PPP4R4: variants seen among roughly 807,000 people sequenced by gnomAD.
The protein encoded by PPP4R4 is protein phosphatase 4 regulatory subunit 4.
In PPP4R4, 70 loss-of-function variants were observed where a neutral mutation model predicts 121.8. The observed-to-expected ratio is 0.57, with a 90% CI of 0.47 to 0.70. PPP4R4 has a LOEUF of 0.70. PPP4R4 is among the 30% of genes least tolerant of loss of function. PPP4R4 has a pLI of 0.00. For synonymous variants in PPP4R4, 348 were observed against 355.7 expected (o/e 0.98, Z 0.24); for missense variants, 875 against 1,033.6 (o/e 0.85, Z 2.10).
At chr14:94,193,827 G>T (rs1398093521) in intron 2 of PPP4R4, among the ~76,000 whole-genome samples, 1 of 152,190 alleles carries the variant, frequency 6.6e-6, no homozygotes, top group Non-Finnish European at 1.5e-5. Flanking sequence ...GGAATGGGTT[G>T]CTGATATGAA....
intron 7 of PPP4R4, 114 bp downstream of exon 7, chr14:94,234,783 G>A (rs1401314479): frequency 1.3e-6 from 1 of 760,630 alleles, no homozygotes; most frequent in African/African-American, 1.8e-5. Context: ...TGGATTAAAA[G>A]AGATAAAGAG....
intron 2 of PPP4R4, among the ~76,000 whole-genome samples, chr14:94,197,095 G>C (rs1400394603): frequency 6.6e-6 from 1 of 152,016 alleles, no homozygotes; most frequent in African/African-American, 2.4e-5. Context: ...ACTTTGTGAG[G>C]TTTCTCGGTT....
chr14:94,249,448 C>G (rs1440530211), intron 14 of PPP4R4, among the ~76,000 whole-genome samples: 2 of 151,936 alleles, frequency 1.3e-5, no homozygotes, highest in Admixed American at 1.3e-4. Context: ...TATTTGGGAT[C>G]TTTAGTAATT....
chr14:94,175,039 C>T (rs1259720222), intron 1 of PPP4R4, among the ~76,000 whole-genome samples: 1 of 144,300 alleles, frequency 6.9e-6, no homozygotes, highest in African/African-American at 2.5e-5. Context: ...CTCTCCTGGG[C>T]TCCCCAACCT....
chr14:94,184,797 A>G (rs1184431497), intron 2 of PPP4R4, among the ~76,000 whole-genome samples: 1 of 152,220 alleles, frequency 6.6e-6, no homozygotes, highest in Non-Finnish European at 1.5e-5. Flanking sequence ...GTTAGTAATA[A>G]TTACAAAATC....
chr14:94,231,474 A>G (rs1892032268), intron 5 of PPP4R4, among the ~76,000 whole-genome samples, 159 bp downstream of exon 5: 1 of 152,218 alleles, frequency 6.6e-6, no homozygotes, highest in Admixed American at 6.5e-5. Flanking sequence ...TAAAATATAG[A>G]AGGAAGAAAA....
At chr14:94,232,511 C>A (rs1225957437) in intron 5 of PPP4R4, among the ~76,000 whole-genome samples, 1 of 151,992 alleles carries the variant, frequency 6.6e-6, no homozygotes, top group Non-Finnish European at 1.5e-5. Flanking sequence ...TTTTGAAAAG[C>A]AATATGCTGT....
At position 94,237,528 on chromosome 14, in the gene PPP4R4, T is replaced by G. The variant is rs768048949; in HGVS notation, c.732-37T>G. 5 of 1,576,654 alleles carry G rather than the reference T, an allele frequency of 3.2e-6. No individual in the cohort carries two copies. In the African/African-American group the frequency reaches 6.8e-5, roughly 21 times the overall value. Reference sequence around the variant, plus strand: ...TAGTAAGTTCCTGCTACACATTTATTGATTTGATTTATTTTCTTCTATTGC... The same window carrying G: ...TAGTAAGTTCCTGCTACACATTTATGGATTTGATTTATTTTCTTCTATTGC... On this transcript the variant is annotated intron_variant, in intron 7 of 24. Coordinates refer to ENST00000304338, the MANE Select transcript of PPP4R4 (RefSeq NM_058237.2).
Position 94,233,734 on chromosome 14 carries a change from T to C in PPP4R4, c.598T>C (p.Leu200=), listed in dbSNP as rs752448841. The C allele has an allele frequency of 6.3e-7, 1 of 1,591,834 alleles. No homozygotes were observed. Among genetic ancestry groups the C allele is most frequent in the Non-Finnish European group, 8.6e-7 (1 of 1,161,480 alleles). ...AGTTAGTTGTAAAATTTTAGGAAAA[T>C]TGACCAACAAATTTGATGCCCACAC... ...RLVSCKILGK[L]TNKFDAHTIK... The change falls in exon 6 of 25, where the codon TTG becomes CTG. Residue 200 remains leucine, a synonymous_variant. Transcript: ENST00000304338.
intron 3 of PPP4R4, among the ~76,000 whole-genome samples, chr14:94,221,937 A>T (rs1891421288): frequency 6.6e-6 from 1 of 152,104 alleles, no homozygotes; most frequent in African/African-American, 2.4e-5. Flanking sequence ...AAAACTGGAA[A>T]CAACCCAAAT....
intron 3 of PPP4R4, among the ~76,000 whole-genome samples, chr14:94,219,080 C>CTTTTTTTTTTTTTTTTTTTTTTTCT (rs71301922): frequency 9.3e-6 from 1 of 106,954 alleles, no homozygotes; most frequent in Non-Finnish European, 1.9e-5. Context: ...CTTTTCTTTT[C>CTTTTTTTTTTTTTTTTTTTTTTTCT]TTTTTTTTTT....
intron 16 of PPP4R4, among the ~76,000 whole-genome samples, chr14:94,252,165 C>T (rs1454721493): frequency 1.3e-5 from 2 of 152,124 alleles, no homozygotes; most frequent in African/African-American, 4.8e-5. Flanking sequence ...TGGATATACA[C>T]ATTGAAATGA....
At chr14:94,197,977 A>G (rs1595462852) in intron 2 of PPP4R4, among the ~76,000 whole-genome samples, 1 of 152,230 alleles carries the variant, frequency 6.6e-6, no homozygotes, top group Non-Finnish European at 1.5e-5. Flanking sequence ...TTTATGTATT[A>G]CAAACAAAGC....
At chr14:94,217,631 G>GA (rs961251100) in intron 3 of PPP4R4, among the ~76,000 whole-genome samples, 8 of 152,162 alleles carry the variant, frequency 5.3e-5, no homozygotes, top group Non-Finnish European at 8.8e-5. Context: ...AAAATCCACT[G>GA]AAAAAACAAC....
intron 2 of PPP4R4, among the ~76,000 whole-genome samples, chr14:94,179,690 A>G (rs1429748128): frequency 6.6e-6 from 1 of 152,198 alleles, no homozygotes; most frequent in Non-Finnish European, 1.5e-5. Flanking sequence ...CTTAAACCAC[A>G]TGGATCCCAG....
intron 17 of PPP4R4, among the ~76,000 whole-genome samples, chr14:94,257,118 C>T (rs1175458508): frequency 6.6e-6 from 1 of 152,056 alleles, no homozygotes; most frequent in Non-Finnish European, 1.5e-5. Context: ...CTCTTACCTG[C>T]TCCTGAGTGC....
chr14:94,236,548 G>A (rs1251576066), intron 7 of PPP4R4, among the ~76,000 whole-genome samples: 1 of 152,044 alleles, frequency 6.6e-6, no homozygotes, highest in Non-Finnish European at 1.5e-5. Context: ...AGAAAAACAT[G>A]TTTTTTTGTG....
At chr14:94,176,679 T>G (rs1475636598) in intron 2 of PPP4R4, among the ~76,000 whole-genome samples, 2 of 152,090 alleles carry the variant, frequency 1.3e-5, no homozygotes, top group African/African-American at 4.8e-5. Flanking sequence ...CAGAATTGCT[T>G]AAGGCAAATG....
At chr14:94,240,152 A>G (rs1028255024) in intron 8 of PPP4R4, among the ~76,000 whole-genome samples, 1 of 152,206 alleles carries the variant, frequency 6.6e-6, no homozygotes, top group Non-Finnish European at 1.5e-5. Flanking sequence ...CAAATAATTG[A>G]TTAATTTTTT....
Sources: gnomAD v4.1 joint callset for allele counts (sites outside exome capture counted in the v4.1 genomes callset) on GRCh38, gnomAD v4.1.1 for gene constraint, MANE v1.5 for transcripts, NCBI Gene and HGNC (gene_info 2026-07-23, HGNC 2026-07-21) for gene names.